Variants in PID1 observed in about 807,000 individuals in gnomAD.
PID1 encodes the protein phosphotyrosine interaction domain containing 1, also known as PTB-containing, cubilin and LRP1-interacting protein.
In PID1, 10 loss-of-function variants were observed where a neutral mutation model predicts 19.1. That is an observed-to-expected ratio of 0.52 (90% CI 0.32 to 0.89). The LOEUF is 0.89. Ranked by LOEUF, PID1 falls within the 40% of genes least tolerant of loss-of-function variation. The probability of loss-of-function intolerance (pLI) is 0.03; values close to 1 mark genes in which losing one functional copy is unlikely to be tolerated. For synonymous variants in PID1, 130 were observed against 116.0 expected, an observed-to-expected ratio of 1.12 and a Z score of -0.78; for missense variants, 248 against 285.3, an observed-to-expected ratio of 0.87 and a Z score of 0.94.
chr2:229,211,948 T>C (rs546530594), intron 1 of PID1, among the ~76,000 whole-genome samples: 2 of 152,366 alleles, frequency 1.3e-5, no homozygotes, highest in East Asian at 1.9e-4. Context: ...CTGAAAGTAA[T>C]TGCATCTTTC....
intron 1 of PID1, among the ~76,000 whole-genome samples, chr2:229,221,033 C>T (rs1691959183): frequency 6.6e-6 from 1 of 152,152 alleles, no homozygotes; most frequent in Non-Finnish European, 1.5e-5. Flanking sequence ...TCAGTGTAGA[C>T]TTGCCCCCTT....
Position 229,037,058 on chromosome 2 carries a change from ATAAAG to A in PID1, c.178-10955_178-10951del, listed in dbSNP as rs548632613. Among the ~76,000 whole-genome samples the A allele has an allele frequency of 1.1e-3, 171 of 152,336 alleles. 2 individuals are homozygous for A. The highest frequency in any genetic ancestry group is 3.9e-3 in the African/African-American group (163 of 41,582). ...TAATAGTATCAAACATGCCGATTTT[ATAAAG>A]TACACAATCTCTAGGGCACATATAT... On this transcript the variant is annotated intron_variant, in intron 2 of 2. Transcript: ENST00000392055.
chr2:229,238,482 G>A (rs1296712441), intron 1 of PID1, among the ~76,000 whole-genome samples: 1 of 152,100 alleles, frequency 6.6e-6, no homozygotes, highest in African/African-American at 2.4e-5. Context: ...GGCTCTAGCA[G>A]CGCAATCGAT....
intron 2 of PID1, among the ~76,000 whole-genome samples, chr2:229,149,322 T>C (rs1438815982): frequency 6.6e-6 from 1 of 152,198 alleles, no homozygotes; most frequent in Non-Finnish European, 1.5e-5. Context: ...AAATACATAA[T>C]TGATCAACGG....
chr2:229,078,758 C>T (rs1694612620), intron 2 of PID1, among the ~76,000 whole-genome samples: 1 of 151,998 alleles, frequency 6.6e-6, no homozygotes, highest in Non-Finnish European at 1.5e-5. Flanking sequence ...TACTTCCCAC[C>T]TCTCAGAACA....
intron 1 of PID1, among the ~76,000 whole-genome samples, chr2:229,243,122 G>A (rs1320650849): frequency 1.3e-5 from 2 of 152,132 alleles, no homozygotes; most frequent in Admixed American, 6.5e-5. Flanking sequence ...GGAAGGCAAG[G>A]AGAAGCAAGT....
At chr2:229,077,133 T>A (rs1452618615) in intron 2 of PID1, among the ~76,000 whole-genome samples, 1 of 152,246 alleles carries the variant, frequency 6.6e-6, no homozygotes, top group African/African-American at 2.4e-5. Context: ...TGTGCATGTC[T>A]CTAATGACCA....
intron 2 of PID1, among the ~76,000 whole-genome samples, chr2:229,065,712 CAAAAAAA>C (rs71988256): frequency 1.9e-5 from 2 of 103,962 alleles, no homozygotes; most frequent in Non-Finnish European, 3.5e-5. Flanking sequence ...TTGTGATTTA[CAAAAAAA>C]AAAAAAAAAA....
chr2:229,256,313 C>T (rs926923682), intron 1 of PID1, among the ~76,000 whole-genome samples: 5 of 152,206 alleles, frequency 3.3e-5, no homozygotes, highest in African/African-American at 1.2e-4. Flanking sequence ...CTTATAAATT[C>T]CTCTAATTTT....
intron 2 of PID1, among the ~76,000 whole-genome samples, chr2:229,028,627 A>G (rs995623163): frequency 6.6e-6 from 1 of 152,236 alleles, no homozygotes; most frequent in African/African-American, 2.4e-5. Flanking sequence ...AGGCATCCAC[A>G]GTGGACTGAA....
At chr2:229,200,994 T>C (rs1007951092) in intron 1 of PID1, among the ~76,000 whole-genome samples, 4 of 152,136 alleles carry the variant, frequency 2.6e-5, no homozygotes, top group South Asian at 4.2e-4. Flanking sequence ...TATGCTTCGA[T>C]ACCATGAAGC....
chr2:229,187,926 G>A (rs1056527222), intron 1 of PID1, among the ~76,000 whole-genome samples: 3 of 152,010 alleles, frequency 2.0e-5, no homozygotes, highest in Admixed American at 1.3e-4. Context: ...CTCATCATCC[G>A]CTGAAATGAC....
intron 2 of PID1, 26 bp from the exon 3 acceptor site, chr2:229,026,134 G>A: frequency 6.6e-7 from 1 of 1,520,158 alleles, no homozygotes; most frequent in Non-Finnish European, 9.1e-7. Context: ...AGGAAGAAAA[G>A]GGAGGCATCA....
At chr2:229,217,197 C>T (rs1691866323) in intron 1 of PID1, among the ~76,000 whole-genome samples, 1 of 152,142 alleles carries the variant, frequency 6.6e-6, no homozygotes, top group African/African-American at 2.4e-5. Context: ...TGACTTCAGA[C>T]GATTCTATCC....
At chr2:229,124,793 T>C (rs1695589174) in intron 2 of PID1, among the ~76,000 whole-genome samples, 1 of 152,138 alleles carries the variant, frequency 6.6e-6, no homozygotes, top group Non-Finnish European at 1.5e-5. Flanking sequence ...TGTAACAGAG[T>C]CTGGGTGGAC....
intron 1 of PID1, among the ~76,000 whole-genome samples, chr2:229,179,672 A>G (rs1248555190): frequency 6.6e-6 from 1 of 152,184 alleles, no homozygotes; most frequent in Non-Finnish European, 1.5e-5. Flanking sequence ...AAGATTCCCA[A>G]CAACAACAAC....
At chr2:229,227,935 C>T (rs1692116230) in intron 1 of PID1, 1 of 455,484 alleles carries the variant, frequency 2.2e-6, no homozygotes, top group Admixed American at 2.4e-5. Flanking sequence ...CAGTTGTATG[C>T]AAATACCATG....
chr2:229,254,872 T>C (rs968383872), intron 1 of PID1, among the ~76,000 whole-genome samples: 1 of 152,194 alleles, frequency 6.6e-6, no homozygotes, highest in African/African-American at 2.4e-5. Flanking sequence ...TTATATTCTG[T>C]GGGCAGCACC....
At chr2:229,113,492 GTA>G (rs1450806958) in intron 2 of PID1, among the ~76,000 whole-genome samples, 36 of 115,922 alleles carry the variant, frequency 3.1e-4, no homozygotes, top group Admixed American at 1.3e-3. Flanking sequence ...ATATATACAT[GTA>G]TGTGTGTGTG....
Sources: allele counts gnomAD v4.1 joint callset (sites outside exome capture counted in the v4.1 genomes callset), GRCh38; gene constraint gnomAD v4.1.1; transcripts MANE v1.5; gene names NCBI Gene and HGNC (gene_info 2026-07-23, HGNC 2026-07-21).